BRAF: variants seen among roughly 807,000 people sequenced by gnomAD.
BRAF encodes B-Raf proto-oncogene, serine/threonine kinase, also known as serine/threonine-protein kinase B-raf.
Under a neutral mutation model 104.6 loss-of-function variants are expected in BRAF, and 16 were observed. The observed-to-expected ratio is 0.15, with a 90% confidence interval of 0.10 to 0.23. The LOEUF is 0.23. Ranked by LOEUF, BRAF falls within the 10% of genes least tolerant of loss-of-function variation. BRAF has a pLI of 1.00. For synonymous variants in BRAF, 310 were observed against 341.6 expected, an observed-to-expected ratio of 0.91 and a Z score of 1.02; for missense variants, 541 against 937.3, an observed-to-expected ratio of 0.58 and a Z score of 5.52.
chr7:140,741,379 T>A (rs113981671), intron 17 of BRAF: 5 of 152,318 alleles, frequency 3.3e-5, no homozygotes, highest in Admixed American at 1.3e-4. Context: ...TTTAACTTTT[T>A]TATTGCCGCT....
At chr7:140,810,424 G>A (rs1249851143) in intron 3 of BRAF, among the ~76,000 whole-genome samples, 1 of 152,020 alleles carries the variant, frequency 6.6e-6, no homozygotes, top group Non-Finnish European at 1.5e-5. Flanking sequence ...ACAAAAAGTA[G>A]CCGGGCAGAG....
At chr7:140,812,082 T>C (rs910549313) in intron 3 of BRAF, among the ~76,000 whole-genome samples, 1 of 152,162 alleles carries the variant, frequency 6.6e-6, no homozygotes, top group Non-Finnish European at 1.5e-5. Context: ...CATTCTTTTT[T>C]TCTTTTTTAT....
At chr7:140,775,924 G>C (rs894820110) in intron 14 of BRAF, among the ~76,000 whole-genome samples, 5 of 152,020 alleles carry the variant, frequency 3.3e-5, no homozygotes, top group Non-Finnish European at 1.5e-5. Context: ...GCAATACTCA[G>C]TTAGAGTTGT....
At chr7:140,758,701 C>T (rs1798407315) in intron 14 of BRAF, among the ~76,000 whole-genome samples, 1 of 152,222 alleles carries the variant, frequency 6.6e-6, no homozygotes. Flanking sequence ...GCCATCCTCC[C>T]ACCTCGGCCT....
In BRAF at chr7:140,784,425, G is replaced by C. The variant is rs1247131936; in HGVS notation, c.1297+1264C>G. Among the ~76,000 whole-genome samples, 3 of 152,022 alleles carry C rather than the reference G, an allele frequency of 2.0e-5. No homozygotes were observed. The East Asian group carries it at 5.8e-4, about 29-fold the overall frequency. On this transcript the variant is annotated intron_variant, in intron 10 of 19. Coordinates refer to ENST00000644969, the MANE Select transcript of BRAF (RefSeq NM_001374258.1). ...CTGCTTGACCAGGCTTCACGGTTATGATCTACTAAGTAGTTTTATTGTATC... is the reference window on the plus strand; with the variant it reads ...CTGCTTGACCAGGCTTCACGGTTATCATCTACTAAGTAGTTTTATTGTATC...
intron 18 of BRAF, among the ~76,000 whole-genome samples, chr7:140,736,119 G>A (rs1424441880): frequency 1.4e-5 from 2 of 146,554 alleles, no homozygotes; most frequent in Non-Finnish European, 3.0e-5. Flanking sequence ...TGTCCAGGCT[G>A]GAGTGCAGTG....
intron 1 of BRAF, among the ~76,000 whole-genome samples, chr7:140,921,609 T>A (rs1818231186): frequency 6.6e-6 from 1 of 152,086 alleles, no homozygotes; most frequent in Non-Finnish European, 1.5e-5. Flanking sequence ...AACTACATAG[T>A]GTTATAAAAG....
intron 19 of BRAF, chr7:140,732,170 C>CAAAAAAAAAAAAAAA (rs61727494): frequency 4.2e-5 from 1 of 23,696 alleles, no homozygotes; most frequent in Non-Finnish European, 1.3e-4. Context: ...GACTCTGTCT[C>CAAAAAAAAAAAAAAA]AAAAAAAAAA....
At chr7:140,908,652 T>G (rs948499090) in intron 1 of BRAF, among the ~76,000 whole-genome samples, 11 of 152,214 alleles carry the variant, frequency 7.2e-5, no homozygotes, top group African/African-American at 2.2e-4. Context: ...CTTTTCCTCC[T>G]CCTGCTCCAT....
At position 140,924,751 on chromosome 7, in the gene BRAF, G is replaced by A. The variant is rs2129153570; in HGVS notation, c.-48C>T. 2.9e-6 allele frequency: 2 copies of A among 695,270 alleles called. No homozygotes were observed. The highest frequency in any genetic ancestry group is 1.6e-5 in the South Asian group (1 of 61,608). 43.1% of individuals were successfully genotyped at this position (695,270 alleles called of 1,614,324 possible). On this transcript the variant is annotated 5_prime_UTR_variant, in exon 1 of 20. Coordinates refer to ENST00000644969, the MANE Select transcript of BRAF (RefSeq NM_001374258.1). The surrounding 1 kb of genome is among the most constrained non-coding windows in gnomAD (Gnocchi z 4.2). ...CGAGCGGCCGCTGTCGGGCGGGGAG[G>A]GGGAAGGGAGGCGGAGAGCTGGGGG...
intron 1 of BRAF, among the ~76,000 whole-genome samples, chr7:140,914,705 C>T (rs1157509579): frequency 1.3e-5 from 2 of 151,708 alleles, no homozygotes; most frequent in Admixed American, 1.3e-4. Context: ...ATTAAGTCAC[C>T]TCCATAAAAC....
At chr7:140,889,568 C>A (rs1341392166) in intron 1 of BRAF, among the ~76,000 whole-genome samples, 1 of 151,934 alleles carries the variant, frequency 6.6e-6, no homozygotes, top group African/African-American at 2.4e-5. Flanking sequence ...ATAACAGAAG[C>A]TAACAGATAT....
chr7:140,749,956 T>C (rs887483014), intron 16 of BRAF, among the ~76,000 whole-genome samples: 1 of 152,204 alleles, frequency 6.6e-6, no homozygotes, highest in African/African-American at 2.4e-5. Flanking sequence ...AAGCATATGG[T>C]ATAAACATGC....
chr7:140,894,823 G>A (rs150413693), intron 1 of BRAF, among the ~76,000 whole-genome samples: 16 of 152,208 alleles, frequency 1.1e-4, no homozygotes, highest in African/African-American at 3.9e-4. Flanking sequence ...CCAAAGCCCT[G>A]AACAAATGCT....
chr7:140,798,559 C>CTTTT (rs1033928919), intron 7 of BRAF, among the ~76,000 whole-genome samples: 2 of 125,342 alleles, frequency 1.6e-5, no homozygotes, highest in Admixed American at 8.0e-5. Context: ...CGCGCCCGGC[C>CTTTT]TTTTTTTTTT....
intron 1 of BRAF, among the ~76,000 whole-genome samples, chr7:140,858,022 T>C (rs534495357): frequency 6.6e-6 from 1 of 152,120 alleles, no homozygotes; most frequent in East Asian, 1.9e-4. Context: ...CCACTTGATA[T>C]GGGGAAATGC....
intron 18 of BRAF, among the ~76,000 whole-genome samples, chr7:140,735,492 A>G (rs1422223258): frequency 1.3e-5 from 2 of 152,248 alleles, no homozygotes; most frequent in Non-Finnish European, 2.9e-5. Context: ...TGCCTGGCCT[A>G]TAATAAGCAC....
Position 140,722,583 on chromosome 7 carries a change from G to A in BRAF, c.*3911C>T, listed in dbSNP as rs974808406. The A allele has an allele frequency of 3.8e-6, 4 of 1,055,030 alleles. No individual in the cohort carries two copies. In the Admixed American group the frequency reaches 1.6e-4, roughly 43 times the overall value. The allele number at this position is 1,055,030 out of a possible 1,614,324, so 65.4% of individuals were successfully genotyped here. On this transcript the variant is annotated 3_prime_UTR_variant, in exon 20 of 20. Coordinates refer to ENST00000644969, the MANE Select transcript of BRAF (RefSeq NM_001374258.1). ...GTTTATAGCCTAATGGTTGGAATCT[G>A]CTCGTCTCAAGGTGCTGGTATTCCT...
chr7:140,849,690 T>C (rs1376683950), intron 2 of BRAF, among the ~76,000 whole-genome samples: 1 of 152,042 alleles, frequency 6.6e-6, no homozygotes, highest in Non-Finnish European at 1.5e-5. Context: ...TGTGCGCCTG[T>C]AGTCCCAGCT....
Sources: gnomAD v4.1 joint callset for allele counts (sites outside exome capture counted in the v4.1 genomes callset) on GRCh38, gnomAD v4.1.1 for gene constraint, Gnocchi (gnomAD v3.1) non-coding constraint, MANE v1.5 for transcripts, NCBI Gene and HGNC (gene_info 2026-07-23, HGNC 2026-07-21) for gene names.